The following AGPAT3 variants were observed in gnomAD, a reference collection of about 807,000 sequenced individuals.
AGPAT3 encodes 1-acylglycerol-3-phosphate O-acyltransferase 3.
A neutral mutation model predicts 47.3 loss-of-function variants in AGPAT3; 5 were observed. That is an observed-to-expected ratio of 0.11 (90% CI 0.06 to 0.22). The LOEUF is 0.22. AGPAT3 is among the 10% of genes least tolerant of loss of function. The probability of loss-of-function intolerance (pLI) is 1.00; values close to 1 mark genes in which losing one functional copy is unlikely to be tolerated. For synonymous variants in AGPAT3, 212 were observed against 208.3 expected (o/e 1.02, Z -0.15); for missense variants, 315 against 493.0 (o/e 0.64, Z 3.42).
At chr21:43,892,208 G>A (rs879372515) in intron 1 of AGPAT3, among the ~76,000 whole-genome samples, 12 of 151,876 alleles carry the variant, frequency 7.9e-5, no homozygotes, top group African/African-American at 1.2e-4. Flanking sequence ...TCAGGAGGCC[G>A]AGACAGGAGA....
chr21:43,969,056 C>T, intron 4 of AGPAT3, 62 bp from the exon 5 acceptor site: 1 of 1,573,566 alleles, frequency 6.4e-7, no homozygotes, highest in Non-Finnish European at 8.7e-7. Flanking sequence ...GGGAGCCTGG[C>T]CAAGCCCCTG....
At chr21:43,971,585 C>G (rs549628824) in intron 7 of AGPAT3, 95 bp downstream of exon 7, 1 of 1,129,606 alleles carries the variant, frequency 8.9e-7, no homozygotes, top group South Asian at 1.3e-5. Flanking sequence ...CCAGGCCCCA[C>G]GTCCCACAGC....
At chr21:43,948,410 G>A (rs1394181349) in intron 2 of AGPAT3, 3 of 152,202 alleles carry the variant, frequency 2.0e-5, no homozygotes, top group Admixed American at 6.5e-5. Flanking sequence ...TCCCTGGCTG[G>A]ACCCAGGGCA....
intron 1 of AGPAT3, among the ~76,000 whole-genome samples, chr21:43,896,943 G>GTTTTTTTTTT (rs61657564): frequency 9.5e-5 from 4 of 42,320 alleles, no homozygotes; most frequent in East Asian, 5.8e-4. Context: ...TTGACAGTCC[G>GTTTTTTTTTT]TTTTTTTTTT....
intron 1 of AGPAT3, among the ~76,000 whole-genome samples, chr21:43,869,676 C>A (rs1015922121): frequency 1.8e-4 from 27 of 152,276 alleles, no homozygotes; most frequent in African/African-American, 6.3e-4. Flanking sequence ...GAGTTAGGCA[C>A]AGCCAGCCCA....
intron 2 of AGPAT3, among the ~76,000 whole-genome samples, chr21:43,943,996 C>G (rs965157696): frequency 6.6e-6 from 1 of 152,208 alleles, no homozygotes; most frequent in African/African-American, 2.4e-5. Flanking sequence ...GAGGCTGCCT[C>G]GGGAAGCAAG....
intron 2 of AGPAT3, among the ~76,000 whole-genome samples, chr21:43,943,678 C>T (rs1241763581): frequency 2.0e-5 from 3 of 152,084 alleles, no homozygotes; most frequent in African/African-American, 7.2e-5. Context: ...TCAGCCGCCA[C>T]GGCCTGTGTC....
chr21:43,955,587 C>T lies in AGPAT3; in HGVS notation c.-48-4047C>T, dbSNP rs555770724. Among the ~76,000 whole-genome samples, 1 of 152,030 alleles carries T rather than the reference C, an allele frequency of 6.6e-6. No individual in the cohort carries two copies. The highest frequency in any genetic ancestry group is 2.4e-5 in the African/African-American group (1 of 41,538). ...CAGATTACAGGTGTGAGCCACCGCG[C>T]CCGGCTGAGAATCTGATTTTTAAAA... On this transcript the variant is annotated intron_variant, in intron 2 of 9. Coordinates refer to ENST00000291572, the MANE Select transcript of AGPAT3 (RefSeq NM_020132.5). This position sits in a 1 kb window ranked among gnomAD's most constrained non-coding sequence, Gnocchi z 4.1.
Position 43,934,637 on chromosome 21 carries a change from G to A in AGPAT3, c.-48-24997G>A, listed in dbSNP as rs2087370664. On this transcript the variant is annotated intron_variant, in intron 2 of 9. Transcript: ENST00000291572. This position sits in a 1 kb window ranked among gnomAD's most constrained non-coding sequence, Gnocchi z 4.7. ...GAGGGGACAGCGGGAACCTGTGGAG[G>A]GGCGGGCTCAAGCCCTGGTCGTGAG... is the stretch of plus-strand genomic sequence containing the variant. Among the ~76,000 whole-genome samples the A allele has an allele frequency of 1.3e-5, 2 of 152,188 alleles. No individual in the cohort carries two copies. The highest frequency in any genetic ancestry group is 4.8e-5 in the African/African-American group (2 of 41,442).
At chr21:43,891,982 G>C (rs536792952) in intron 1 of AGPAT3, among the ~76,000 whole-genome samples, 32 of 152,162 alleles carry the variant, frequency 2.1e-4, no homozygotes, top group African/African-American at 7.7e-4. Flanking sequence ...CCTATACAAT[G>C]TATTTCTTAA....
chr21:43,899,051 C>T (rs567384697), intron 1 of AGPAT3, among the ~76,000 whole-genome samples: 5 of 152,316 alleles, frequency 3.3e-5, no homozygotes, highest in East Asian at 1.9e-4. Flanking sequence ...ACACACTTGC[C>T]GCTCTCTTTC....
Position 43,934,033 on chromosome 21 carries a change from C to A in AGPAT3, c.-48-25601C>A, listed in dbSNP as rs140375941. Among the ~76,000 whole-genome samples the A allele has an allele frequency of 6.6e-6, 1 of 152,336 alleles. No individual in the cohort carries two copies. Among genetic ancestry groups the A allele is most frequent in the Non-Finnish European group, 1.5e-5 (1 of 68,030 alleles). ...CTCAGTCATGGCCAGCTGCCGAATG[C>A]CGTACCAGGGCAGGGGCAGTGGAGC... On this transcript the variant is annotated intron_variant, in intron 2 of 9. Coordinates refer to ENST00000291572, the MANE Select transcript of AGPAT3 (RefSeq NM_020132.5). This position sits in a 1 kb window ranked among gnomAD's most constrained non-coding sequence, Gnocchi z 4.7.
rs968426212 is a variant in AGPAT3, at chr21:43,934,971, C to G, written c.-48-24663C>G. 1.3e-5 allele frequency among the ~76,000 whole-genome samples: 2 copies of G among 151,120 alleles called. No individual in the cohort carries two copies. Among genetic ancestry groups the G allele is most frequent in the Admixed American group, 1.3e-4 (2 of 15,188 alleles). On this transcript the variant is annotated intron_variant, in intron 2 of 9. Coordinates refer to ENST00000291572, the MANE Select transcript of AGPAT3 (RefSeq NM_020132.5). The surrounding 1 kb of genome is among the most constrained non-coding windows in gnomAD (Gnocchi z 4.7). ...TCACATGCCACTCACATGCCATTGA[C>G]ACGCCACCACGCCACTTACGCCACC... is the stretch of plus-strand genomic sequence containing the variant.
chr21:43,987,531 C>T lies in AGPAT3; in HGVS notation c.*5139C>T, dbSNP rs1277762859. ...TAAAAACATTCATCTGTGGAGAAAACCAAGGAACCCCTTTCTCTTCTTTAT... is the reference window on the plus strand; with the variant it reads ...TAAAAACATTCATCTGTGGAGAAAATCAAGGAACCCCTTTCTCTTCTTTAT... On this transcript the variant is annotated 3_prime_UTR_variant, in exon 10 of 10. Coordinates refer to ENST00000291572, the MANE Select transcript of AGPAT3 (RefSeq NM_020132.5). Among the ~76,000 whole-genome samples the T allele has an allele frequency of 6.6e-6, 1 of 152,156 alleles. No individual in the cohort carries two copies. The highest frequency in any genetic ancestry group is 6.5e-5 in the Admixed American group (1 of 15,276).
rs562608757 is a variant in AGPAT3, at chr21:43,908,463, C to T, written c.-49+4444C>T. On this transcript the variant is annotated intron_variant, in intron 2 of 9. Coordinates refer to ENST00000291572, the MANE Select transcript of AGPAT3 (RefSeq NM_020132.5). This position sits in a 1 kb window ranked among gnomAD's most constrained non-coding sequence, Gnocchi z 4.9. The stretch of plus-strand genomic sequence containing the variant: ...GGAACCCGGTGTGTATGACTCGCTC[C>T]GTGATTCATAACAAGGCATTTGCTT... Among the ~76,000 whole-genome samples, 14 of 152,298 alleles carry T rather than the reference C, an allele frequency of 9.2e-5. No individual in the cohort carries two copies. The highest frequency in any genetic ancestry group is 2.4e-4 in the African/African-American group (10 of 41,572).
chr21:43,892,298 ACT>A (rs1307000423), intron 1 of AGPAT3, among the ~76,000 whole-genome samples: 1 of 148,732 alleles, frequency 6.7e-6, no homozygotes, highest in Non-Finnish European at 1.5e-5. Context: ...CAAGAGCAAA[ACT>A]CTGTCTCAAA....
rs776490092 is a variant in AGPAT3 at position 43,959,623 on chromosome 21, T to C, written c.-48-11T>C. 56 of 1,602,710 alleles carry C rather than the reference T, an allele frequency of 3.5e-5. No individual in the cohort carries two copies. Among genetic ancestry groups the C allele is most frequent in the Non-Finnish European group, 7.6e-6 (9 of 1,179,134 alleles). On this transcript the variant is annotated splice_polypyrimidine_tract_variant and intron_variant, in intron 2 of 9. Coordinates refer to ENST00000291572, the MANE Select transcript of AGPAT3 (RefSeq NM_020132.5). ...GCCACCCTGACGCTGTCCCTGTCCCTGTCTTTGCAGGACGGCTGTCCTCAG... is the reference window on the plus strand; with the variant it reads ...GCCACCCTGACGCTGTCCCTGTCCCCGTCTTTGCAGGACGGCTGTCCTCAG...
At position 43,939,329 on chromosome 21, in the gene AGPAT3, C is replaced by CG. The variant is rs766861991; in HGVS notation, c.-48-20300dup. On this transcript the variant is annotated intron_variant, in intron 2 of 9. Coordinates refer to ENST00000291572, the MANE Select transcript of AGPAT3 (RefSeq NM_020132.5). This position sits in a 1 kb window ranked among gnomAD's most constrained non-coding sequence, Gnocchi z 4.4. ...ACCCCACCCCCGTCGCTGTTGTTGT[C>CG]GGGGGCCTCCCGCGCCCCAGGAGGT... Among the ~76,000 whole-genome samples, 1 of 152,126 alleles carries CG rather than the reference C, an allele frequency of 6.6e-6. No homozygotes were observed. The highest frequency in any genetic ancestry group is 2.4e-5 in the African/African-American group (1 of 41,422).
At position 43,982,546 on chromosome 21, in the gene AGPAT3, A is replaced by G. The variant is rs2089890951; in HGVS notation, c.*154A>G. 5.3e-6 allele frequency: 3 copies of G among 567,920 alleles called. No individual in the cohort carries two copies. The highest frequency in any genetic ancestry group is 1.9e-5 in the African/African-American group (1 of 52,392). The allele number at this position is 567,920 out of a possible 1,614,324, so 35.2% of individuals were successfully genotyped here. ...AACTTGAGCCAAGAGTAAAGAATTC[A>G]GAAGGCCTGTCAGGTGAAGTCTTCA... On this transcript the variant is annotated 3_prime_UTR_variant, in exon 10 of 10. Coordinates refer to ENST00000291572, the MANE Select transcript of AGPAT3 (RefSeq NM_020132.5). This position sits in a 1 kb window ranked among gnomAD's most constrained non-coding sequence, Gnocchi z 6.2.
Sources: gnomAD v4.1 joint callset for allele counts (sites outside exome capture counted in the v4.1 genomes callset) on GRCh38, gnomAD v4.1.1 for gene constraint, Gnocchi (gnomAD v3.1) non-coding constraint, MANE v1.5 for transcripts, NCBI Gene and HGNC (gene_info 2026-07-23, HGNC 2026-07-21) for gene names.